Variants in FOCAD observed in about 807,000 individuals in gnomAD.
FOCAD encodes focadhesin, also known as KIAA1797.
In FOCAD, 198 loss-of-function variants were observed where a neutral mutation model predicts 225.6. The observed-to-expected ratio is 0.88, with a 90% CI of 0.78 to 0.99. The LOEUF (loss-of-function observed/expected upper bound fraction) is 0.99. Among genes scored for constraint, FOCAD ranks in the 50% least tolerant of loss-of-function variants. FOCAD has a pLI of 0.00. For missense variants in FOCAD, 2,713 were observed against 2,123.6 expected (o/e 1.28, Z -5.46); for synonymous variants, 897 against 755.0 (o/e 1.19, Z -3.08).
chr9:20,793,379 G>C (rs560278023), intron 11 of FOCAD, among the ~76,000 whole-genome samples: 3 of 152,272 alleles, frequency 2.0e-5, no homozygotes, highest in African/African-American at 7.2e-5. Flanking sequence ...GATCCCTTTT[G>C]TGTTTTCCCG....
At chr9:20,710,616 A>G (rs1407344402) in intron 1 of FOCAD, among the ~76,000 whole-genome samples, 3 of 151,974 alleles carry the variant, frequency 2.0e-5, no homozygotes, top group Non-Finnish European at 4.4e-5. Context: ...AAATAATAAT[A>G]TAACATTTCC....
intron 26 of FOCAD, chr9:20,927,693 C>T (rs1403152296): frequency 6.6e-6 from 1 of 152,102 alleles, no homozygotes; most frequent in Non-Finnish European, 1.5e-5. Context: ...TGGTCCTACC[C>T]TATTACTATC....
intron 21 of FOCAD, among the ~76,000 whole-genome samples, chr9:20,904,034 A>G (rs937623509): frequency 6.6e-6 from 1 of 151,844 alleles, no homozygotes; most frequent in African/African-American, 2.4e-5. Flanking sequence ...TTTGTGCCTG[A>G]CTTCTTTCAC....
chr9:20,709,013 G>A (rs1159633485), intron 1 of FOCAD, among the ~76,000 whole-genome samples: 7 of 152,062 alleles, frequency 4.6e-5, no homozygotes, highest in African/African-American at 1.4e-4. Context: ...TTTGAGGTTT[G>A]ACATTAAGTA....
At chr9:20,701,536 A>T (rs1320188546) in intron 1 of FOCAD, among the ~76,000 whole-genome samples, 1 of 152,250 alleles carries the variant, frequency 6.6e-6, no homozygotes, top group East Asian at 1.9e-4. Context: ...AAGTGTTGAT[A>T]TCAGTGACAA....
intron 2 of FOCAD, among the ~76,000 whole-genome samples, chr9:20,667,400 C>G (rs951928832): frequency 1.3e-5 from 2 of 152,158 alleles, no homozygotes; most frequent in Non-Finnish European, 2.9e-5. Flanking sequence ...TGCATTAACC[C>G]AGAAGGAAGA....
intron 40 of FOCAD, 98 bp from the exon 41 acceptor site, chr9:20,988,234 A>G: frequency 1.5e-6 from 1 of 660,840 alleles, no homozygotes. Flanking sequence ...TGGAATCCTC[A>G]CCAGGTGTTC....
intron 15 of FOCAD, among the ~76,000 whole-genome samples, chr9:20,859,681 A>G (rs1828577803): frequency 6.8e-6 from 1 of 147,244 alleles, no homozygotes; most frequent in African/African-American, 2.5e-5. Flanking sequence ...GCATATATAT[A>G]TAGAATGGAG....
intron 1 of FOCAD, among the ~76,000 whole-genome samples, chr9:20,690,866 G>A (rs1367573234): frequency 6.6e-6 from 1 of 151,336 alleles, no homozygotes; most frequent in Non-Finnish European, 1.5e-5. Context: ...TAAATCTAAA[G>A]GTCTGTTCCA....
At chr9:20,750,934 G>A (rs909324977) in intron 5 of FOCAD, among the ~76,000 whole-genome samples, 3 of 152,068 alleles carry the variant, frequency 2.0e-5, no homozygotes, top group Non-Finnish European at 2.9e-5. Flanking sequence ...CTTAAGGTTA[G>A]GGTTTTAATG....
chr9:20,937,549 C>T (rs1223501601), intron 28 of FOCAD, among the ~76,000 whole-genome samples: 3 of 151,954 alleles, frequency 2.0e-5, no homozygotes, highest in African/African-American at 4.8e-5. Context: ...AAACTGGATC[C>T]CTTCCTTACA....
At chr9:20,659,890 A>G (rs893148935) in intron 2 of FOCAD, among the ~76,000 whole-genome samples, 6 of 152,210 alleles carry the variant, frequency 3.9e-5, no homozygotes, top group Non-Finnish European at 8.8e-5. Context: ...GAGTGGTGCA[A>G]TGAGATATGA....
intron 18 of FOCAD, among the ~76,000 whole-genome samples, chr9:20,869,335 G>C (rs1829562153): frequency 6.6e-6 from 1 of 152,042 alleles, no homozygotes; most frequent in Non-Finnish European, 1.5e-5. Context: ...ATTTCAAGTA[G>C]AGCTAAAAAA....
intron 1 of FOCAD, among the ~76,000 whole-genome samples, chr9:20,692,298 T>C (rs1823023071): frequency 6.6e-6 from 1 of 152,172 alleles, no homozygotes; most frequent in Non-Finnish European, 1.5e-5. Context: ...CATCCTTGAC[T>C]CTTCTTTATC....
chr9:20,737,397 GATT>G (rs1827235249), intron 4 of FOCAD, among the ~76,000 whole-genome samples: 2 of 152,182 alleles, frequency 1.3e-5, no homozygotes, highest in South Asian at 4.1e-4. Flanking sequence ...TGCAAAAAAG[GATT>G]ATTTAATGAA....
intron 2 of FOCAD, among the ~76,000 whole-genome samples, chr9:20,677,613 C>T (rs536606880): frequency 3.2e-4 from 49 of 151,500 alleles, no homozygotes; most frequent in Admixed American, 5.9e-4. Context: ...GGAAAAAATG[C>T]TCAACATCAG....
At chr9:20,917,739 T>C (rs368953476) in intron 24 of FOCAD, among the ~76,000 whole-genome samples, 2 of 152,194 alleles carry the variant, frequency 1.3e-5, no homozygotes, top group African/African-American at 4.8e-5. Context: ...AATTGTAGTA[T>C]AGTTTATCCT....
chr9:20,815,123 G>GGTTTTTTTTTT (rs796702774), intron 11 of FOCAD, among the ~76,000 whole-genome samples: 1,727 of 85,220 alleles, frequency 0.02, 231 homozygotes, highest in Non-Finnish European at 0.025. Flanking sequence ...ACTTCTCTTT[G>GGTTTTTTTTTT]TTTTTTTTTT....
chr9:20,960,010 C>A (rs1213916517), intron 35 of FOCAD, among the ~76,000 whole-genome samples: 1 of 152,064 alleles, frequency 6.6e-6, no homozygotes, highest in African/African-American at 2.4e-5. Flanking sequence ...CTCCACATTC[C>A]TTTCAACCAG....
Sources: allele counts gnomAD v4.1 joint callset (sites outside exome capture counted in the v4.1 genomes callset), GRCh38; gene constraint gnomAD v4.1.1; transcripts MANE v1.5; gene names NCBI Gene and HGNC (gene_info 2026-07-23, HGNC 2026-07-21).